The following COX7B2 variants were observed in gnomAD, a reference collection of about 807,000 sequenced individuals.
The protein encoded by COX7B2 is cytochrome c oxidase subunit 7B2, mitochondrial.
For missense variants in COX7B2, 109 were observed against 95.9 expected (o/e 1.14, Z -0.57); for synonymous variants, 37 against 32.1 (o/e 1.15, Z -0.51).
At chr4:46,740,740 A>G (rs895516032) in intron 2 of COX7B2, among the ~76,000 whole-genome samples, 1 of 152,172 alleles carries the variant, frequency 6.6e-6, no homozygotes, top group Non-Finnish European at 1.5e-5. Context: ...TACCAGAAAT[A>G]GAAAGAAGAT....
At chr4:46,815,335 G>T (rs1354429488) in intron 2 of COX7B2, among the ~76,000 whole-genome samples, 1 of 152,078 alleles carries the variant, frequency 6.6e-6, no homozygotes, top group Non-Finnish European at 1.5e-5. Flanking sequence ...AAAACTATAG[G>T]TTCAATAAAT....
At chr4:46,761,280 G>T (rs1234260701) in intron 2 of COX7B2, among the ~76,000 whole-genome samples, 1 of 152,128 alleles carries the variant, frequency 6.6e-6, no homozygotes, top group Non-Finnish European at 1.5e-5. Flanking sequence ...AGAACCAGTA[G>T]CAGGGGGCCA....
In COX7B2 at chr4:46,860,109, T is replaced by C. The variant is rs1015119439; in HGVS notation, c.-104-15095A>G. On this transcript the variant is annotated intron_variant, in intron 1 of 2. Coordinates refer to ENST00000355591, the MANE Select transcript of COX7B2 (RefSeq NM_130902.3). The stretch of plus-strand genomic sequence containing the variant: ...GTGCCCAGCATGTGGCTCGAGAAGA[T>C]GGCAAGAGTTGGTAAGATGGTGAGA... 2.6e-5 allele frequency among the ~76,000 whole-genome samples: 4 copies of C among 152,162 alleles called. No homozygotes were observed. In the South Asian group the frequency reaches 8.3e-4, roughly 32 times the overall value.
rs1249656298 is a variant in COX7B2, at chr4:46,773,254, G to T, written c.-49-38013C>A. Among the ~76,000 whole-genome samples the T allele has an allele frequency of 3.3e-5, 5 of 152,252 alleles. No homozygotes were observed. In the East Asian group the frequency reaches 7.8e-4, roughly 24 times the overall value. On this transcript the variant is annotated intron_variant, in intron 2 of 2. Coordinates refer to ENST00000355591, the MANE Select transcript of COX7B2 (RefSeq NM_130902.3). ...AGTTCCCATAATCCCCACATGTCAT[G>T]GGAAGGACCTGATGGGAGGTAACTG...
At chr4:46,871,564 G>A (rs1017841939) in intron 1 of COX7B2, among the ~76,000 whole-genome samples, 1 of 151,288 alleles carries the variant, frequency 6.6e-6, no homozygotes, top group Non-Finnish European at 1.5e-5. Flanking sequence ...CAGAATGGGA[G>A]AAAATATTTG....
intron 2 of COX7B2, among the ~76,000 whole-genome samples, chr4:46,760,235 C>T (rs1371781111): frequency 2.6e-5 from 4 of 152,142 alleles, no homozygotes; most frequent in African/African-American, 9.7e-5. Flanking sequence ...ATAAATCATT[C>T]TACTATAAAG....
chr4:46,808,272 T>C (rs1719105108), intron 2 of COX7B2, among the ~76,000 whole-genome samples: 1 of 151,834 alleles, frequency 6.6e-6, no homozygotes, highest in South Asian at 2.1e-4. Flanking sequence ...TATATTTTTT[T>C]CTTGATGCTA....
At chr4:46,755,594 A>C (rs1485071439) in intron 2 of COX7B2, among the ~76,000 whole-genome samples, 1 of 152,134 alleles carries the variant, frequency 6.6e-6, no homozygotes, top group Non-Finnish European at 1.5e-5. Flanking sequence ...AAATTCTCAG[A>C]TTTGACAAAT....
At chr4:46,805,436 T>C (rs1718948412) in intron 2 of COX7B2, among the ~76,000 whole-genome samples, 1 of 152,258 alleles carries the variant, frequency 6.6e-6, no homozygotes, top group Non-Finnish European at 1.5e-5. Context: ...GACTATGTTA[T>C]AGATGGGAGA....
Position 46,846,113 on chromosome 4 carries a change from T to G in COX7B2, c.-104-1099A>C, listed in dbSNP as rs542004673. Reference sequence around the variant, plus strand: ...AAACGTTTTGAAGGTAAAATAGTTTTGTAAGTGCTTATGAATCCAGGATTA... The same window carrying G: ...AAACGTTTTGAAGGTAAAATAGTTTGGTAAGTGCTTATGAATCCAGGATTA... On this transcript the variant is annotated intron_variant, in intron 1 of 2. Coordinates refer to ENST00000355591, the MANE Select transcript of COX7B2 (RefSeq NM_130902.3). 8.3e-4 allele frequency among the ~76,000 whole-genome samples: 126 copies of G among 152,090 alleles called. 1 individual carries two copies. The highest frequency in any genetic ancestry group is 1.6e-3 in the Non-Finnish European group (106 of 67,986).
chr4:46,886,506 C>A (rs1027336497), intron 1 of COX7B2, among the ~76,000 whole-genome samples: 1 of 152,092 alleles, frequency 6.6e-6, no homozygotes, highest in East Asian at 1.9e-4. Context: ...TTCTATCCAG[C>A]GTATTTTCAT....
At chr4:46,741,166 A>G (rs1261699552) in intron 2 of COX7B2, among the ~76,000 whole-genome samples, 9 of 152,156 alleles carry the variant, frequency 5.9e-5, no homozygotes, top group Admixed American at 5.9e-4. Context: ...AATTTCAAGA[A>G]GAAAACAAAA....
At chr4:46,782,882 A>G (rs895468659) in intron 2 of COX7B2, among the ~76,000 whole-genome samples, 1 of 152,082 alleles carries the variant, frequency 6.6e-6, no homozygotes, top group African/African-American at 2.4e-5. Context: ...GAGGGAACCA[A>G]CTCTGGACAC....
At chr4:46,849,780 G>A (rs890813035) in intron 1 of COX7B2, among the ~76,000 whole-genome samples, 2 of 152,002 alleles carry the variant, frequency 1.3e-5, no homozygotes, top group Non-Finnish European at 2.9e-5. Flanking sequence ...TTGGTGTGCA[G>A]CACCCAGTAA....
intron 1 of COX7B2, among the ~76,000 whole-genome samples, chr4:46,895,697 GT>G: frequency 6.6e-6 from 1 of 151,924 alleles, no homozygotes; most frequent in Non-Finnish European, 1.5e-5. Context: ...TTTTTCTGGA[GT>G]TTGTTATTTT....
Position 46,776,286 on chromosome 4 carries a change from T to C in COX7B2, c.-49-41045A>G, listed in dbSNP as rs565192265. 1.3e-3 allele frequency among the ~76,000 whole-genome samples: 195 copies of C among 152,228 alleles called. 2 individuals are homozygous for C. The highest frequency in any genetic ancestry group is 4.5e-3 in the African/African-American group (186 of 41,548). ...CAAAATAATAATGATGGCAAAAATA[T>C]AACTTTTTGAACTTTGTTTTTAACC... On this transcript the variant is annotated intron_variant, in intron 2 of 2. Transcript: ENST00000355591.
chr4:46,889,722 A>T (rs1241956401), intron 1 of COX7B2, among the ~76,000 whole-genome samples: 3 of 152,218 alleles, frequency 2.0e-5, no homozygotes, highest in African/African-American at 7.2e-5. Context: ...AAATTCTCTC[A>T]GCTTTTTAAT....
chr4:46,887,947 AG>A (rs1424345065), intron 1 of COX7B2, among the ~76,000 whole-genome samples: 1 of 152,102 alleles, frequency 6.6e-6, no homozygotes, highest in Non-Finnish European at 1.5e-5. Context: ...CCATTAATCA[AG>A]CCAGAACCAG....
intron 2 of COX7B2, among the ~76,000 whole-genome samples, chr4:46,829,681 T>A (rs79059843): frequency 4.7e-4 from 72 of 152,266 alleles, no homozygotes; most frequent in Non-Finnish European, 8.8e-4. Flanking sequence ...ACATTTGAAC[T>A]GGATCTTAAG....
Sources: gnomAD v4.1 joint callset for allele counts (sites outside exome capture counted in the v4.1 genomes callset) on GRCh38, gnomAD v4.1.1 for gene constraint, MANE v1.5 for transcripts, NCBI Gene and HGNC (gene_info 2026-07-23, HGNC 2026-07-21) for gene names.